The following SPSB1 variants were observed in gnomAD, a reference collection of about 807,000 sequenced individuals.
SPSB1 encodes splA/ryanodine receptor domain and SOCS box containing 1.
Under a neutral mutation model 21.2 loss-of-function variants are expected in SPSB1, and 8 were observed. The observed-to-expected ratio is 0.38, with a 90% CI of 0.22 to 0.68. SPSB1 has a LOEUF of 0.68. Among genes scored for constraint, SPSB1 ranks in the 30% least tolerant of loss-of-function variants. The pLI, the probability that SPSB1 is intolerant of heterozygous loss-of-function variation, is 0.53. For missense variants in SPSB1, 242 were observed against 377.8 expected, an observed-to-expected ratio of 0.64 and a Z score of 2.98; for synonymous variants, 169 against 161.7, an observed-to-expected ratio of 1.05 and a Z score of -0.34.
In SPSB1 at chr1:9,356,334, G is replaced by T; in HGVS notation, c.443G>T (p.Arg148Leu). 6.2e-7 allele frequency: 1 copy of T among 1,613,938 alleles called. No individual in the cohort carries two copies. Among genetic ancestry groups the T allele is most frequent in the Non-Finnish European group, 8.5e-7 (1 of 1,180,026 alleles). ...ESWGWDLGRN[R>L]LYHDGKNQPS... ...TGGGGCTGGGACTTGGGGCGCAACC[G>T]GCTCTACCACGATGGCAAGAACCAG... is the stretch of plus-strand genomic sequence containing the variant. The change falls in exon 2 of 3, where the codon CGG becomes CTG. Residue 148 changes from arginine to leucine, a missense_variant. Arg to Leu is a moderately radical substitution (Grantham distance 102). Coordinates refer to ENST00000328089, the MANE Select transcript of SPSB1 (RefSeq NM_025106.4). The surrounding 1 kb of genome is among the most constrained non-coding windows in gnomAD (Gnocchi z 7.4).
At chr1:9,342,734 C>T (rs960967207) in intron 1 of SPSB1, among the ~76,000 whole-genome samples, 5 of 152,194 alleles carry the variant, frequency 3.3e-5, no homozygotes, top group South Asian at 2.1e-4. Flanking sequence ...CGGACTCCTC[C>T]GGAGAAACTC....
chr1:9,360,881 C>A (rs995319653), intron 2 of SPSB1, among the ~76,000 whole-genome samples: 1 of 152,234 alleles, frequency 6.6e-6, no homozygotes, highest in Non-Finnish European at 1.5e-5. Context: ...CCAGTGTAGA[C>A]CATCTCCATG....
intron 1 of SPSB1, among the ~76,000 whole-genome samples, chr1:9,332,126 G>A (rs1017728641): frequency 6.6e-6 from 1 of 152,014 alleles, no homozygotes; most frequent in Non-Finnish European, 1.5e-5. Context: ...CAAGGTGGGA[G>A]GATTGCTTGA....
rs2100486173 is a variant in SPSB1 at position 9,324,476 on chromosome 1, C to G, written c.-149-31267C>G. On this transcript the variant is annotated intron_variant, in intron 1 of 2. Coordinates refer to ENST00000328089, the MANE Select transcript of SPSB1 (RefSeq NM_025106.4). The surrounding 1 kb of genome is among the most constrained non-coding windows in gnomAD (Gnocchi z 4.3). ...CTGTCCTCCATGGTGTCTCTCTGTG[C>G]CCAGCCTCTGGAGGGTCGGCTCGGA... 6.7e-6 allele frequency among the ~76,000 whole-genome samples: 1 copy of G among 150,024 alleles called. No homozygotes were observed. Among genetic ancestry groups the G allele is most frequent in the African/African-American group, 2.4e-5 (1 of 41,104 alleles).
chr1:9,314,953 G>A (rs575106048), intron 1 of SPSB1, among the ~76,000 whole-genome samples: 108 of 152,336 alleles, frequency 7.1e-4, no homozygotes, highest in African/African-American at 2.5e-3. Context: ...CTGAGGGAGT[G>A]GAGTCCTTGG....
intron 2 of SPSB1, among the ~76,000 whole-genome samples, chr1:9,357,521 A>G (rs1004016480): frequency 6.6e-6 from 1 of 152,178 alleles, no homozygotes; most frequent in Non-Finnish European, 1.5e-5. Flanking sequence ...CGGTAAATGA[A>G]TGCTAGTGAC....
chr1:9,297,717 A>G (rs528005903), intron 1 of SPSB1, among the ~76,000 whole-genome samples: 41 of 152,160 alleles, frequency 2.7e-4, no homozygotes, highest in Non-Finnish European at 3.5e-4. Flanking sequence ...ACTGTGAGTA[A>G]GTTGGAGTTT....
rs1322521340 is a variant in SPSB1 at position 9,317,316 on chromosome 1, G to A, written c.-150+24245G>A. On this transcript the variant is annotated intron_variant, in intron 1 of 2. Coordinates refer to ENST00000328089, the MANE Select transcript of SPSB1 (RefSeq NM_025106.4). This position sits in a 1 kb window ranked among gnomAD's most constrained non-coding sequence, Gnocchi z 4.3. ...ATGTCACTGGCGGAAGGTGGCATGT[G>A]TGTGCAAAACCACTGGGAGCTTTGA... Among the ~76,000 whole-genome samples, 1 of 152,166 alleles carries A rather than the reference G, an allele frequency of 6.6e-6. No individual in the cohort carries two copies. The highest frequency in any genetic ancestry group is 1.5e-5 in the Non-Finnish European group (1 of 68,022).
At chr1:9,334,595 C>T (rs1639974616) in intron 1 of SPSB1, among the ~76,000 whole-genome samples, 2 of 152,280 alleles carry the variant, frequency 1.3e-5, no homozygotes, top group Non-Finnish European at 1.5e-5. Context: ...CAACCATCAC[C>T]GTTGTCCATC....
chr1:9,296,137 T>G (rs967680682), intron 1 of SPSB1, among the ~76,000 whole-genome samples: 2 of 152,240 alleles, frequency 1.3e-5, no homozygotes, highest in Admixed American at 1.3e-4. Context: ...TGACTTTGTT[T>G]GAATCCTAAG....
At chr1:9,315,840 G>A (rs995202463) in intron 1 of SPSB1, among the ~76,000 whole-genome samples, 1 of 152,214 alleles carries the variant, frequency 6.6e-6, no homozygotes, top group Non-Finnish European at 1.5e-5. Context: ...CAGTAACTAT[G>A]TGGGTGGATT....
At chr1:9,312,518 C>T (rs1044959818) in intron 1 of SPSB1, among the ~76,000 whole-genome samples, 4 of 152,080 alleles carry the variant, frequency 2.6e-5, no homozygotes, top group Non-Finnish European at 4.4e-5. Context: ...CCGTGGACAC[C>T]GTCCTAGAAT....
chr1:9,323,823 G>T (rs1043751042), intron 1 of SPSB1, among the ~76,000 whole-genome samples: 3 of 152,206 alleles, frequency 2.0e-5, no homozygotes, highest in African/African-American at 7.2e-5. Flanking sequence ...TTCTTCTGCT[G>T]TTGCCCACGG....
At chr1:9,316,937 T>G (rs1639626644) in intron 1 of SPSB1, among the ~76,000 whole-genome samples, 1 of 152,164 alleles carries the variant, frequency 6.6e-6, no homozygotes. Flanking sequence ...AGCTGCCTGG[T>G]GCTCTCCTTC....
chr1:9,309,301 AGTGTGTGTGTGTGTGTGT>A (rs35952855), intron 1 of SPSB1, among the ~76,000 whole-genome samples: 1 of 133,136 alleles, frequency 7.5e-6, no homozygotes, highest in Non-Finnish European at 1.6e-5. Context: ...AGAGAGAGAG[AGTGTGTGTGTGTGTGTGT>A]GTGTGTGTGT....
chr1:9,361,161 T>TTTTTTTTTTTTTTTTTG (rs1557467303), intron 2 of SPSB1, among the ~76,000 whole-genome samples: 3 of 119,810 alleles, frequency 2.5e-5, no homozygotes, highest in South Asian at 2.8e-4. Flanking sequence ...ATTTTCTTTT[T>TTTTTTTTTTTTTTTTTG]TTTTTTTTTT....
chr1:9,345,333 C>T lies in SPSB1; in HGVS notation c.-149-10410C>T, dbSNP rs1640152750. On this transcript the variant is annotated intron_variant, in intron 1 of 2. Transcript: ENST00000328089. This position sits in a 1 kb window ranked among gnomAD's most constrained non-coding sequence, Gnocchi z 4.8. ...AGATGGCCGTGGGGCTGCTTTTGGG[C>T]CTGCCTTTCTGCTTCCACTCTTTGG... Among the ~76,000 whole-genome samples, 1 of 152,154 alleles carries T rather than the reference C, an allele frequency of 6.6e-6. No homozygotes were observed.
At chr1:9,309,664 GA>G (rs1639484764) in intron 1 of SPSB1, among the ~76,000 whole-genome samples, 2 of 152,102 alleles carry the variant, frequency 1.3e-5, no homozygotes, top group Admixed American at 1.3e-4. Flanking sequence ...CCAACACAGT[GA>G]AACCCCGTCT....
At chr1:9,319,782 G>A (rs1054390464) in intron 1 of SPSB1, among the ~76,000 whole-genome samples, 1 of 152,134 alleles carries the variant, frequency 6.6e-6, no homozygotes, top group Non-Finnish European at 1.5e-5. Flanking sequence ...GTGGCGGGGT[G>A]ACTGGTTCCA....
Sources: allele counts gnomAD v4.1 joint callset (sites outside exome capture counted in the v4.1 genomes callset), GRCh38; gene constraint gnomAD v4.1.1; non-coding constraint Gnocchi (gnomAD v3.1); transcripts MANE v1.5; gene names NCBI Gene and HGNC (gene_info 2026-07-23, HGNC 2026-07-21).